PPFIBP1: variants seen among roughly 807,000 people sequenced by gnomAD.
PPFIBP1 encodes the protein PPFIB scaffold protein 1.
Under a neutral mutation model 137.8 loss-of-function variants are expected in PPFIBP1, and 112 were observed. That is an observed-to-expected ratio of 0.81 (90% confidence interval 0.70 to 0.95). The LOEUF is 0.95. Ranked by LOEUF, PPFIBP1 falls within the 40% of genes least tolerant of loss-of-function variation. PPFIBP1 has a pLI of 0.00. For synonymous variants in PPFIBP1, 378 were observed against 417.3 expected (o/e 0.91, Z 1.15); for missense variants, 1,083 against 1,196.6 (o/e 0.91, Z 1.40).
intron 11 of PPFIBP1, among the ~76,000 whole-genome samples, chr12:27,662,042 A>G (rs1449882745): frequency 6.6e-6 from 1 of 152,054 alleles, no homozygotes; most frequent in Non-Finnish European, 1.5e-5. Context: ...CCAGTGTTGA[A>G]TGAGGGCTTA....
chr12:27,579,183 C>G (rs538867057), intron 2 of PPFIBP1, among the ~76,000 whole-genome samples: 1 of 152,218 alleles, frequency 6.6e-6, no homozygotes, highest in Non-Finnish European at 1.5e-5. Flanking sequence ...CAGTTCCAGT[C>G]CTTTCAGGAA....
chr12:27,626,984 A>T (rs1442687994), intron 2 of PPFIBP1, among the ~76,000 whole-genome samples: 2 of 152,176 alleles, frequency 1.3e-5, no homozygotes, highest in East Asian at 3.8e-4. Flanking sequence ...TTATGAGTAC[A>T]TAGTAGGTAT....
chr12:27,524,683 CTCTG>C (rs903302491), intron 1 of PPFIBP1, among the ~76,000 whole-genome samples: 1 of 151,960 alleles, frequency 6.6e-6, no homozygotes, highest in Non-Finnish European at 1.5e-5. Flanking sequence ...GTGTGTGTCT[CTCTG>C]TCTGTGTGTA....
intron 2 of PPFIBP1, among the ~76,000 whole-genome samples, chr12:27,596,492 T>A (rs1467006128): frequency 2.0e-5 from 3 of 152,144 alleles, no homozygotes; most frequent in Non-Finnish European, 2.9e-5. Context: ...AAGTAACATG[T>A]TCCCCAGCAT....
chr12:27,649,557 T>C (rs34594391), intron 6 of PPFIBP1, among the ~76,000 whole-genome samples: 34,221 of 152,090 alleles, frequency 0.23, 3,994 homozygotes, highest in Non-Finnish European at 0.24. Context: ...TATTTTATTT[T>C]ATTTTATTTT....
At chr12:27,537,602 T>C (rs1945191564) in intron 1 of PPFIBP1, among the ~76,000 whole-genome samples, 1 of 152,134 alleles carries the variant, frequency 6.6e-6, no homozygotes, top group Non-Finnish European at 1.5e-5. Context: ...AGGGTTGGTT[T>C]GGCCTGCGTG....
chr12:27,596,111 T>C (rs10842949), intron 2 of PPFIBP1, among the ~76,000 whole-genome samples: 102,471 of 140,330 alleles, frequency 0.73, 36,589 homozygotes, highest in Non-Finnish European at 0.8. Flanking sequence ...CACACACATA[T>C]GCTTACAAAT....
At chr12:27,599,560 T>G in intron 2 of PPFIBP1, 1 of 453,618 alleles carries the variant, frequency 2.2e-6, no homozygotes, top group South Asian at 1.6e-5. Context: ...TTCTTTCATC[T>G]TTCTCCTTCC....
At chr12:27,663,567 A>G (rs1013113921) in intron 11 of PPFIBP1, among the ~76,000 whole-genome samples, 5 of 152,194 alleles carry the variant, frequency 3.3e-5, no homozygotes, top group African/African-American at 1.2e-4. Flanking sequence ...GGGGCCGGGC[A>G]TGGTGGCTCA....
intron 2 of PPFIBP1, among the ~76,000 whole-genome samples, chr12:27,625,709 G>C (rs536970652): frequency 2.0e-5 from 3 of 151,026 alleles, no homozygotes; most frequent in Non-Finnish European, 4.4e-5. Flanking sequence ...TTAGCCTCCC[G>C]AGTAGCTGGG....
intron 1 of PPFIBP1, among the ~76,000 whole-genome samples, chr12:27,535,261 C>A (rs908639346): frequency 3.9e-5 from 6 of 152,088 alleles, no homozygotes; most frequent in African/African-American, 1.4e-4. Context: ...GTATTGGCTA[C>A]TTGTCATTCT....
intron 12 of PPFIBP1, 64 bp downstream of exon 12, chr12:27,664,510 T>G (rs2059740023): frequency 8.8e-7 from 1 of 1,139,332 alleles, no homozygotes; most frequent in East Asian, 2.5e-5. Context: ...AACTTACACA[T>G]TTGGCCTCAA....
chr12:27,539,896 G>T (rs895350306), intron 1 of PPFIBP1, among the ~76,000 whole-genome samples: 1 of 151,870 alleles, frequency 6.6e-6, no homozygotes, highest in East Asian at 1.9e-4. Flanking sequence ...AATATTCTGC[G>T]TATGTAATTT....
chr12:27,611,496 C>G (rs1463109835), intron 2 of PPFIBP1, among the ~76,000 whole-genome samples: 2 of 152,160 alleles, frequency 1.3e-5, no homozygotes, highest in Non-Finnish European at 2.9e-5. Flanking sequence ...GACCCTATAT[C>G]CAAATAAGGT....
intron 1 of PPFIBP1, among the ~76,000 whole-genome samples, chr12:27,570,661 AAAT>A (rs1429522607): frequency 2.0e-5 from 3 of 152,100 alleles, no homozygotes; most frequent in African/African-American, 7.2e-5. Flanking sequence ...GGTTTTGAAA[AAAT>A]GTACATAAGG....
intron 11 of PPFIBP1, 103 bp from the exon 12 acceptor site, chr12:27,664,259 C>A: frequency 1.4e-6 from 1 of 736,234 alleles, no homozygotes; most frequent in Non-Finnish European, 2.3e-6. Flanking sequence ...CAGAATCATG[C>A]GTATTCTTTA....
At chr12:27,582,467 G>T (rs1248613404) in intron 2 of PPFIBP1, among the ~76,000 whole-genome samples, 1 of 152,204 alleles carries the variant, frequency 6.6e-6, no homozygotes, top group African/African-American at 2.4e-5. Context: ...GTTTCAGTGA[G>T]CCATGGTTTC....
chr12:27,607,503 A>C (rs549798257), intron 2 of PPFIBP1, among the ~76,000 whole-genome samples: 15 of 152,240 alleles, frequency 9.9e-5, no homozygotes, highest in Non-Finnish European at 2.1e-4. Context: ...ACTTGAGTGC[A>C]CATTAGAATC....
chr12:27,672,627 T>G, intron 15 of PPFIBP1, 144 bp downstream of exon 15: 3 of 660,324 alleles, frequency 4.5e-6, no homozygotes, highest in Non-Finnish European at 5.2e-6. Context: ...AATAATTGGG[T>G]GGGGGTGAAG....
Sources: allele counts gnomAD v4.1 joint callset (sites outside exome capture counted in the v4.1 genomes callset), GRCh38; gene constraint gnomAD v4.1.1; transcripts MANE v1.5; gene names NCBI Gene and HGNC (gene_info 2026-07-23, HGNC 2026-07-21).